Variants in CELA3B observed in about 807,000 individuals in gnomAD.
CELA3B encodes chymotrypsin-like elastase family member 3B.
CELA3B carries 34 observed loss-of-function variants against 37.2 expected under a neutral mutation model. That is an observed-to-expected ratio of 0.91 (90% CI 0.70 to 1.22). CELA3B has a LOEUF of 1.22. Among genes scored for constraint, CELA3B ranks in the 50% most tolerant of loss-of-function variants. The pLI is 0.00. For synonymous variants in CELA3B, 127 were observed against 143.5 expected (o/e 0.89, Z 0.82); for missense variants, 340 against 363.1 (o/e 0.94, Z 0.52).
chr1:21,993,497 A>T (rs947563635), downstream of CELA3B, among the ~76,000 whole-genome samples: 3 of 150,912 alleles, frequency 2.0e-5, no homozygotes, highest in African/African-American at 7.4e-5. Context: ...AAAAGAAAAG[A>T]AATTGTATTT....
downstream of CELA3B, among the ~76,000 whole-genome samples, chr1:21,993,335 G>A (rs111809097): frequency 7.4e-3 from 1,120 of 150,650 alleles, 56 homozygotes; most frequent in African/African-American, 0.024. Flanking sequence ...GGTGGCGCGT[G>A]CCTGTAATCC....
chr1:21,997,355 A>G lies in CELA3B; in HGVS notation c.505-796A>G, dbSNP rs1262153344. On this transcript the variant is annotated intron_variant, in intron 4 of 4. Transcript: ENST00000400277. ...CAGTCTGGCACGACTCATCTCAAAA[A>G]AAAAAAAAAGAGCAAGACAAGAGCA... Among the ~76,000 whole-genome samples, 2 of 145,976 alleles carry G rather than the reference A, an allele frequency of 1.4e-5. 1 individual carries two copies. The highest frequency in any genetic ancestry group is 3.0e-5 in the Non-Finnish European group (2 of 66,354).
chr1:21,983,630 G>C (rs1391373615), intron 4 of CELA3B, 64 bp from the exon 5 acceptor site: 7 of 1,593,832 alleles, frequency 4.4e-6, no homozygotes, highest in African/African-American at 2.7e-5. Flanking sequence ...CTGGAGCAAC[G>C]GCTGGAAGGT....
At chr1:21,985,031 G>A (rs1048955737) in intron 6 of CELA3B, among the ~76,000 whole-genome samples, 6 of 152,070 alleles carry the variant, frequency 3.9e-5, no homozygotes, top group Non-Finnish European at 8.8e-5. Context: ...TATAATCCAA[G>A]TGCTTTGGGA....
In CELA3B at chr1:21,984,173, C is replaced by A. The variant is rs1371155171; in HGVS notation, c.500-16C>A. The A allele has an allele frequency of 6.2e-7, 1 of 1,610,122 alleles. No individual in the cohort carries two copies. Among genetic ancestry groups the A allele is most frequent in the African/African-American group, 1.3e-5 (1 of 74,920 alleles). ...GTGCCCCCAGACCCCTGACTCGGTGCTTTTTATCGCTGCAGCCAACGGGCC... is the reference window on the plus strand; with the variant it reads ...GTGCCCCCAGACCCCTGACTCGGTGATTTTTATCGCTGCAGCCAACGGGCC... On this transcript the variant is annotated splice_polypyrimidine_tract_variant and intron_variant, in intron 5 of 7. Transcript: ENST00000337107.
At chr1:21,983,254 C>G (rs1274165346) in intron 4 of CELA3B, among the ~76,000 whole-genome samples, 1 of 152,128 alleles carries the variant, frequency 6.6e-6, no homozygotes, top group Non-Finnish European at 1.5e-5. Context: ...ACTCAGGAGG[C>G]TGAGGCAGGA....
chr1:21,977,180 G>T (rs1360986129), intron 1 of CELA3B, 98 bp downstream of exon 1: 2 of 1,558,626 alleles, frequency 1.3e-6, no homozygotes, highest in Non-Finnish European at 1.8e-6. Flanking sequence ...CCCTATGCCT[G>T]GTTCCACAGG....
intron 6 of CELA3B, 42 bp downstream of exon 6, chr1:21,984,373 AG>A (rs1644826100): frequency 6.3e-7 from 1 of 1,594,234 alleles, no homozygotes; most frequent in Non-Finnish European, 8.5e-7. Context: ...CTGGGTGTGC[AG>A]GACCTTGGAA....
intron 6 of CELA3B, among the ~76,000 whole-genome samples, chr1:21,985,921 C>T (rs560758036): frequency 7.1e-6 from 1 of 140,310 alleles, no homozygotes; most frequent in South Asian, 2.4e-4. Flanking sequence ...CAAATACCCT[C>T]GTATTATAAT....
At chr1:21,977,255 G>C (rs966602947) in intron 1 of CELA3B, among the ~76,000 whole-genome samples, 173 bp downstream of exon 1, 2 of 152,148 alleles carry the variant, frequency 1.3e-5, no homozygotes, top group African/African-American at 2.4e-5. Flanking sequence ...TGGAGCAGGA[G>C]AGTGGAGGGG....
At chr1:21,998,391 T>A (rs1644900146) in exon 5 of CELA3B, 1 of 341,778 alleles carries the variant, frequency 2.9e-6, no homozygotes, top group Non-Finnish European at 6.1e-6. Flanking sequence ...CCCCGCCCCA[T>A]GGGGGCTCCG....
rs771647068 is a variant in CELA3B at position 21,984,193 on chromosome 1, C to T, written c.504C>T (p.Asn168=). Residue 168 remains asparagine (N), a synonymous_variant, in exon 6 of 8, where the codon AAC becomes AAT. Coordinates refer to ENST00000337107, the MANE Select transcript of CELA3B (RefSeq NM_007352.4). Reference sequence around the variant, plus strand: ...CGGTGCTTTTTATCGCTGCAGCCAACGGGCCACTCCCAGACAAGCTGCAGG... The same window carrying T: ...CGGTGCTTTTTATCGCTGCAGCCAATGGGCCACTCCCAGACAAGCTGCAGG... ...YITGWGRLYT[N]GPLPDKLQEA... The T allele has an allele frequency of 8.7e-5, 141 of 1,612,720 alleles. 1 individual carries two copies. The East Asian group carries it at 1.6e-3, about 19-fold the overall frequency.
At chr1:21,979,453 CTT>C (rs66459906) in intron 2 of CELA3B, among the ~76,000 whole-genome samples, 2,304 of 85,354 alleles carry the variant, frequency 0.027, 78 homozygotes, top group African/African-American at 0.084. Context: ...CTTTTCTTTT[CTT>C]TTTTTTTTTT....
At chr1:21,994,049 C>A (rs1264688115), downstream of CELA3B, among the ~76,000 whole-genome samples, 3 of 151,250 alleles carry the variant, frequency 2.0e-5, no homozygotes, top group Non-Finnish European at 2.9e-5. Context: ...TGTGGAAAAC[C>A]CTTCAAAGGC....
chr1:21,986,493 A>C, intron 6 of CELA3B, 38 bp from the exon 7 acceptor site: 3 of 1,608,814 alleles, frequency 1.9e-6, no homozygotes, highest in Non-Finnish European at 2.5e-6. Context: ...TAAACCTCAG[A>C]CATGGCTCAG....
intron 2 of CELA3B, among the ~76,000 whole-genome samples, chr1:21,979,665 GC>G (rs1644793427): frequency 2.0e-5 from 3 of 150,656 alleles, no homozygotes; most frequent in Middle Eastern, 3.4e-3. Flanking sequence ...TGTTGCCCAG[GC>G]TTGCCTCGAA....
At chr1:21,986,088 A>G (rs1324919049) in intron 6 of CELA3B, among the ~76,000 whole-genome samples, 1 of 144,468 alleles carries the variant, frequency 6.9e-6, no homozygotes, top group African/African-American at 2.6e-5. Flanking sequence ...CAAATGAGTC[A>G]GCTGGCTGGG....
chr1:21,985,757 G>A (rs1176711271), intron 6 of CELA3B, among the ~76,000 whole-genome samples: 1 of 152,056 alleles, frequency 6.6e-6, no homozygotes, highest in African/African-American at 2.4e-5. Flanking sequence ...CTGGCATGGT[G>A]GTGGGCGCCT....
chr1:21,998,094 A>G (rs1644898616), intron 4 of CELA3B: 1 of 467,628 alleles, frequency 2.1e-6, no homozygotes, highest in Admixed American at 2.4e-5. Flanking sequence ...CATTCCCTTA[A>G]GTCTAAGGTA....
Sources: allele counts gnomAD v4.1 joint callset (sites outside exome capture counted in the v4.1 genomes callset), GRCh38; gene constraint gnomAD v4.1.1; transcripts MANE v1.5; gene names NCBI Gene and HGNC (gene_info 2026-07-23, HGNC 2026-07-21).